Variants in ATP11C observed in about 807,000 individuals in gnomAD.
ATP11C encodes ATPase phospholipid transporting 11C (ATP11C blood group), also known as phospholipid-transporting ATPase IG.
A neutral mutation model predicts 97.4 loss-of-function variants in ATP11C; 36 were observed. The observed-to-expected ratio is 0.37, with a 90% CI of 0.28 to 0.49. ATP11C has a LOEUF of 0.49. Ranked by LOEUF, ATP11C falls within the 20% of genes least tolerant of loss-of-function variation. ATP11C has a pLI of 0.98. For missense variants in ATP11C, 730 were observed against 824.6 expected (o/e 0.89, Z 1.40); for synonymous variants, 275 against 290.9 (o/e 0.95, Z 0.56).
chrX:139,836,284 G>C (rs1317684226), intron 1 of ATP11C, among the ~76,000 whole-genome samples: 1 of 110,889 alleles, frequency 9.0e-6, no homozygotes, highest in Non-Finnish European at 1.9e-5. Flanking sequence ...GGGAGGCCGA[G>C]GTGGGCAGAT....
intron 25 of ATP11C, among the ~76,000 whole-genome samples, chrX:139,744,576 T>C (rs934645915): frequency 1.2e-4 from 14 of 112,041 alleles, no homozygotes; most frequent in African/African-American, 4.5e-4. Flanking sequence ...ATAAAATCTG[T>C]CTGCCAAATA....
chrX:139,906,646 G>A (rs773446100), intron 1 of ATP11C, among the ~76,000 whole-genome samples: 9 of 108,750 alleles, frequency 8.3e-5, no homozygotes, highest in South Asian at 8.1e-4. Context: ...GCCCGGTGCC[G>A]TAGCAGGCAC....
intron 23 of ATP11C, among the ~76,000 whole-genome samples, chrX:139,755,477 A>G (rs1328267061): frequency 8.9e-6 from 1 of 112,057 alleles, no homozygotes; most frequent in Non-Finnish European, 1.9e-5. Context: ...AGAATTAGAA[A>G]TAAATATTTT....
At chrX:139,918,154 A>G (rs1361708982) in intron 1 of ATP11C, among the ~76,000 whole-genome samples, 1 of 111,336 alleles carries the variant, frequency 9.0e-6, no homozygotes, top group Non-Finnish European at 1.9e-5. Flanking sequence ...GTATATATCC[A>G]AAGAATTGAA....
chrX:139,761,675 A>C (rs1204211531), intron 22 of ATP11C, among the ~76,000 whole-genome samples: 1 of 111,432 alleles, frequency 9.0e-6, no homozygotes, highest in Non-Finnish European at 1.9e-5. Context: ...GGATGTATAC[A>C]TTTGGCAAAA....
chrX:139,779,156 A>G (rs1055247739), intron 18 of ATP11C, among the ~76,000 whole-genome samples: 8 of 111,840 alleles, frequency 7.2e-5, no homozygotes, highest in Non-Finnish European at 1.3e-4. Flanking sequence ...TAAGACCCCA[A>G]TGATAGCACA....
At chrX:139,841,339 T>C (rs767735173) in intron 1 of ATP11C, among the ~76,000 whole-genome samples, 2 of 112,371 alleles carry the variant, frequency 1.8e-5, no homozygotes, top group East Asian at 5.6e-4. Context: ...TTTCAGTAGT[T>C]TTCATCCACA....
At chrX:139,870,391 A>G (rs2084354461) in intron 1 of ATP11C, among the ~76,000 whole-genome samples, 1 of 112,152 alleles carries the variant, frequency 8.9e-6, no homozygotes, top group African/African-American at 3.2e-5. Flanking sequence ...TATTGTTCCA[A>G]ATGTTATTTT....
rs778978459 is a variant in ATP11C, at chrX:139,814,812, C to A, written c.426+66G>T. The A allele has an allele frequency of 1.7e-3, 1,028 of 621,606 alleles. 1 individual carries two copies. The highest frequency in any genetic ancestry group is 2.4e-3 in the Non-Finnish European group (999 of 418,234). The allele number at this position is 621,606 out of a possible 1,213,427, so 51.2% of individuals were successfully genotyped here. On this transcript the variant is annotated intron_variant, in intron 5 of 29. Transcript: ENST00000682941. ...CAACATTATAAAGTACTAAATGACA[C>A]TAAATTATACACTTTAAAATGGTGT...
chrX:139,834,829 C>T (rs1336635785), intron 1 of ATP11C, among the ~76,000 whole-genome samples: 1 of 111,874 alleles, frequency 8.9e-6, no homozygotes. Context: ...CCCACCCCTC[C>T]TCCTGGTTAT....
rs908592149 is a variant in ATP11C, at chrX:139,763,428, A to C, written c.2392-10T>G. ...TCACCATTCTGACAATCTAAATATT[A>C]AATACAAAAGAGGTGTAAAAAAGGT... is the stretch of plus-strand genomic sequence containing the variant. On this transcript the variant is annotated splice_polypyrimidine_tract_variant and intron_variant, in intron 20 of 29. Transcript: ENST00000682941. 2.6e-6 allele frequency: 3 copies of C among 1,175,588 alleles called. No individual in the cohort carries two copies. The African/African-American group carries it at 5.3e-5, about 21-fold the overall frequency.
chrX:139,820,271 C>G (rs1293464373), intron 2 of ATP11C, among the ~76,000 whole-genome samples: 1 of 109,151 alleles, frequency 9.2e-6, no homozygotes, highest in African/African-American at 3.3e-5. Flanking sequence ...CATGGTGGTG[C>G]ACGCCTGTAG....
intron 1 of ATP11C, among the ~76,000 whole-genome samples, chrX:139,844,873 T>TA (rs2083887494): frequency 8.9e-6 from 1 of 111,993 alleles, no homozygotes. Context: ...GGGAGTTGAA[T>TA]AAAAAGGTTC....
chrX:139,798,590 C>T, intron 9 of ATP11C, 89 bp downstream of exon 9: 1 of 770,960 alleles, frequency 1.3e-6, no homozygotes, highest in Non-Finnish European at 1.9e-6. Context: ...AAATGGCAAA[C>T]CTGCCATGTT....
intron 1 of ATP11C, among the ~76,000 whole-genome samples, chrX:139,899,574 C>A (rs2084864942): frequency 9.1e-6 from 1 of 109,887 alleles, no homozygotes; most frequent in Non-Finnish European, 1.9e-5. Flanking sequence ...AAAGTATAAA[C>A]TTTAGTTTAA....
At chrX:139,893,599 C>T (rs765990472) in intron 1 of ATP11C, among the ~76,000 whole-genome samples, 3 of 111,484 alleles carry the variant, frequency 2.7e-5, no homozygotes, top group Non-Finnish European at 5.6e-5. Flanking sequence ...ACTGGGAAGA[C>T]AGTCAGTATT....
At chrX:139,936,169 T>C (rs1195099009), upstream of ATP11C, among the ~76,000 whole-genome samples, 1 of 111,389 alleles carries the variant, frequency 9.0e-6, no homozygotes, top group Non-Finnish European at 1.9e-5. Flanking sequence ...AATCAAAATA[T>C]ACTCAGCAAA....
chrX:139,810,641 T>C (rs1282960571), intron 5 of ATP11C, among the ~76,000 whole-genome samples: 1 of 112,253 alleles, frequency 8.9e-6, no homozygotes, highest in African/African-American at 3.2e-5. Flanking sequence ...GGAAAATTTA[T>C]AGCATTAAAC....
chrX:139,785,322 A>G (rs1294813278), intron 15 of ATP11C, 23 bp from the exon 16 acceptor site: 3 of 1,103,236 alleles, frequency 2.7e-6, no homozygotes, highest in Non-Finnish European at 3.7e-6. Flanking sequence ...TGAGCAAAGT[A>G]AAAAACCTAG....
Sources: gnomAD v4.1 joint callset for allele counts (sites outside exome capture counted in the v4.1 genomes callset) on GRCh38, gnomAD v4.1.1 for gene constraint, MANE v1.5 for transcripts, NCBI Gene and HGNC (gene_info 2026-07-23, HGNC 2026-07-21) for gene names.